Variants in GABBR2 observed in about 807,000 individuals in gnomAD.
GABBR2 encodes gamma-aminobutyric acid type B receptor subunit 2.
Under a neutral mutation model 105.6 loss-of-function variants are expected in GABBR2, and 23 were observed. That is an observed-to-expected ratio of 0.22 (90% CI 0.16 to 0.31). The LOEUF (loss-of-function observed/expected upper bound fraction) is 0.31, where lower values mean the gene tolerates loss of function less well. Among genes scored for constraint, GABBR2 ranks in the 10% least tolerant of loss-of-function variants. The pLI is 1.00. For missense variants in GABBR2, 734 were observed against 1,245.5 expected, an observed-to-expected ratio of 0.59 and a Z score of 6.18; for synonymous variants, 478 against 499.7, an observed-to-expected ratio of 0.96 and a Z score of 0.58.
At chr9:98,502,557 A>G (rs112156664) in intron 3 of GABBR2, among the ~76,000 whole-genome samples, 265 of 152,202 alleles carry the variant, frequency 1.7e-3, no homozygotes, top group African/African-American at 6.2e-3. Context: ...CTGTATCTGC[A>G]TGCCCTGCCA....
At chr9:98,302,319 A>G (rs374971086) in intron 16 of GABBR2, among the ~76,000 whole-genome samples, 1 of 152,134 alleles carries the variant, frequency 6.6e-6, no homozygotes, top group East Asian at 1.9e-4. Context: ...CCCTCCTGAC[A>G]CTGTGAACAG....
chr9:98,295,617 C>T (rs1343148522), intron 17 of GABBR2, among the ~76,000 whole-genome samples: 1 of 152,140 alleles, frequency 6.6e-6, no homozygotes, highest in African/African-American at 2.4e-5. Flanking sequence ...CCTCCGCCTC[C>T]CAGGTTCATG....
chr9:98,303,135 C>G (rs935617678), intron 16 of GABBR2, 106 bp downstream of exon 16: 11 of 837,524 alleles, frequency 1.3e-5, no homozygotes, highest in Non-Finnish European at 2.1e-5. Flanking sequence ...TGAGACTGCA[C>G]GGTCATGCTG....
chr9:98,697,102 C>A (rs1034571184), intron 1 of GABBR2, among the ~76,000 whole-genome samples: 1 of 152,144 alleles, frequency 6.6e-6, no homozygotes, highest in Admixed American at 6.5e-5. Flanking sequence ...AAAGTCAGAC[C>A]ATCCAGACTT....
chr9:98,381,559 T>C (rs558434221), intron 11 of GABBR2, among the ~76,000 whole-genome samples: 5 of 152,288 alleles, frequency 3.3e-5, no homozygotes, highest in African/African-American at 1.2e-4. Flanking sequence ...TATTGAGAAT[T>C]AGTAAATAAA....
chr9:98,667,492 C>G (rs1013183688), intron 1 of GABBR2, among the ~76,000 whole-genome samples: 4 of 152,096 alleles, frequency 2.6e-5, no homozygotes, highest in Admixed American at 2.6e-4. Flanking sequence ...TTTATGTCCC[C>G]TCCCCAGGGG....
intron 13 of GABBR2, among the ~76,000 whole-genome samples, chr9:98,343,147 G>A (rs554554182): frequency 1.1e-4 from 17 of 152,340 alleles, no homozygotes; most frequent in Admixed American, 9.2e-4. Flanking sequence ...GAAGCTGGAG[G>A]AAAGTTCTGA....
chr9:98,295,184 G>A (rs1205333378), intron 17 of GABBR2, among the ~76,000 whole-genome samples: 1 of 152,232 alleles, frequency 6.6e-6, no homozygotes, highest in African/African-American at 2.4e-5. Context: ...TTGCTGACAT[G>A]CACGGTGTGG....
At chr9:98,345,479 A>G (rs1831287510) in intron 13 of GABBR2, among the ~76,000 whole-genome samples, 2 of 152,344 alleles carry the variant, frequency 1.3e-5, no homozygotes, top group Middle Eastern at 3.4e-3. Flanking sequence ...CTTTTTAAGA[A>G]AAGAAAAGAT....
intron 1 of GABBR2, among the ~76,000 whole-genome samples, chr9:98,580,783 A>G (rs987229612): frequency 2.6e-5 from 4 of 152,244 alleles, no homozygotes; most frequent in Admixed American, 6.5e-5. Flanking sequence ...GCTCCATCTC[A>G]AAACAAAACA....
At chr9:98,318,938 T>G (rs1423529358) in intron 13 of GABBR2, among the ~76,000 whole-genome samples, 3 of 149,574 alleles carry the variant, frequency 2.0e-5, no homozygotes, top group Non-Finnish European at 4.4e-5. Context: ...GTGTGTGTGG[T>G]GTGTGTGTAT....
intron 1 of GABBR2, among the ~76,000 whole-genome samples, chr9:98,671,563 A>C (rs1830407453): frequency 1.3e-5 from 2 of 152,204 alleles, no homozygotes; most frequent in Admixed American, 1.3e-4. Flanking sequence ...TTAATCATTT[A>C]AGCGACTGCC....
chr9:98,700,276 C>A (rs958389074), intron 1 of GABBR2, among the ~76,000 whole-genome samples: 1 of 152,166 alleles, frequency 6.6e-6, no homozygotes, highest in Non-Finnish European at 1.5e-5. Flanking sequence ...ACCAAGTAGG[C>A]CCCACCCTCC....
intron 1 of GABBR2, among the ~76,000 whole-genome samples, chr9:98,680,462 T>A (rs1035330193): frequency 3.3e-5 from 5 of 152,102 alleles, no homozygotes; most frequent in African/African-American, 1.2e-4. Flanking sequence ...CCCGCCACTA[T>A]GCCCGGCTAA....
rs10818774 is a variant in GABBR2, at chr9:98,317,410, G to A, written c.1894-6205C>T. On this transcript the variant is annotated intron_variant, in intron 13 of 18. Transcript: ENST00000259455. ...GGTCAGTGCCCCCTGCAAATATCCC[G>A]CTCTGTCCGGCTGCACAAACTGACA... Among the ~76,000 whole-genome samples, 8 of 152,304 alleles carry A rather than the reference G, an allele frequency of 5.3e-5. No individual in the cohort carries two copies. The East Asian group carries it at 9.7e-4, about 18-fold the overall frequency.
At chr9:98,599,687 G>A (rs921842940) in intron 1 of GABBR2, among the ~76,000 whole-genome samples, 10 of 152,354 alleles carry the variant, frequency 6.6e-5, no homozygotes, top group East Asian at 1.9e-4. Context: ...CAGGGCATGC[G>A]GGTATACAGT....
chr9:98,342,264 G>A (rs757805554), intron 13 of GABBR2, among the ~76,000 whole-genome samples: 2 of 152,230 alleles, frequency 1.3e-5, no homozygotes, highest in East Asian at 1.9e-4. Flanking sequence ...TGGAAAGGGG[G>A]TGTTCTGGGT....
At chr9:98,518,093 T>G (rs1028106625) in intron 3 of GABBR2, among the ~76,000 whole-genome samples, 3 of 152,236 alleles carry the variant, frequency 2.0e-5, no homozygotes, top group Non-Finnish European at 4.4e-5. Flanking sequence ...GGCTGCTTCC[T>G]GGCTTGGTTA....
In GABBR2 at chr9:98,634,941, C is replaced by G. The variant is rs575196429; in HGVS notation, c.322-56869G>C. Among the ~76,000 whole-genome samples, 5 of 152,192 alleles carry G rather than the reference C, an allele frequency of 3.3e-5. No individual in the cohort carries two copies. In the South Asian group the frequency reaches 1.0e-3, roughly 32 times the overall value. On this transcript the variant is annotated intron_variant, in intron 1 of 18. Transcript: ENST00000259455. ...CTGTTTCCGGCAACTCCCACAAAGC[C>G]CCTCCCTTATACTGACATAAATATC...
Sources: gnomAD v4.1 joint callset for allele counts (sites outside exome capture counted in the v4.1 genomes callset) on GRCh38, gnomAD v4.1.1 for gene constraint, MANE v1.5 for transcripts, NCBI Gene and HGNC (gene_info 2026-07-23, HGNC 2026-07-21) for gene names.